The following KLF9 variants were observed in gnomAD, a reference collection of about 807,000 sequenced individuals.
KLF9 encodes the protein Krueppel-like factor 9.
KLF9 carries 2 observed loss-of-function variants against 17.3 expected under a neutral mutation model. That is an observed-to-expected ratio of 0.12 (90% CI 0.05 to 0.36). KLF9 has a LOEUF of 0.36. Among genes scored for constraint, KLF9 ranks in the 10% least tolerant of loss-of-function variants. KLF9 has a pLI of 1.00. For missense variants in KLF9, 226 were observed against 333.2 expected, an observed-to-expected ratio of 0.68 and a Z score of 2.51; for synonymous variants, 138 against 139.2, an observed-to-expected ratio of 0.99 and a Z score of 0.06.
intron 1 of KLF9, 58 bp downstream of exon 1, chr9:70,412,801 T>C: frequency 1.3e-6 from 2 of 1,507,004 alleles, no homozygotes; most frequent in Non-Finnish European, 1.8e-6. Flanking sequence ...CCAGGAACGC[T>C]GCCTGGCCAA....
intron 1 of KLF9, among the ~76,000 whole-genome samples, chr9:70,405,942 C>T (rs1440076708): frequency 6.6e-6 from 1 of 152,052 alleles, no homozygotes; most frequent in Non-Finnish European, 1.5e-5. Flanking sequence ...TGGTAGGAAA[C>T]CTCTCAGCAG....
chr9:70,396,985 C>A (rs563706568), intron 1 of KLF9, among the ~76,000 whole-genome samples: 2 of 152,130 alleles, frequency 1.3e-5, no homozygotes, highest in South Asian at 4.2e-4. Flanking sequence ...TCAAGACCAG[C>A]ATGGGCAACA....
intron 1 of KLF9, among the ~76,000 whole-genome samples, chr9:70,406,578 A>AG (rs1491420894): frequency 6.6e-6 from 1 of 152,164 alleles, no homozygotes; most frequent in Non-Finnish European, 1.5e-5. Context: ...TGGGGCGGAG[A>AG]AAGAGAGCCA....
chr9:70,402,352 T>G (rs942195676), intron 1 of KLF9, among the ~76,000 whole-genome samples: 2 of 152,244 alleles, frequency 1.3e-5, no homozygotes, highest in Non-Finnish European at 2.9e-5. Context: ...TATGATTTAT[T>G]ACAGTGTTTT....
chr9:70,408,067 T>C (rs1239917559), intron 1 of KLF9, among the ~76,000 whole-genome samples: 2 of 152,134 alleles, frequency 1.3e-5, no homozygotes, highest in Admixed American at 1.3e-4. Context: ...CAAGTGTATC[T>C]GTGGAATTAA....
chr9:70,389,742 G>A (rs975947735), intron 1 of KLF9, among the ~76,000 whole-genome samples: 2 of 152,212 alleles, frequency 1.3e-5, no homozygotes, highest in Non-Finnish European at 2.9e-5. Context: ...TGTTGAAGAT[G>A]AGAACCACAC....
intron 1 of KLF9, among the ~76,000 whole-genome samples, chr9:70,394,526 T>C (rs1298558895): frequency 6.6e-6 from 1 of 152,114 alleles, no homozygotes; most frequent in African/African-American, 2.4e-5. Context: ...AAAGCATAAA[T>C]GGACACCCGC....
chr9:70,389,412 C>T (rs1370208892), intron 1 of KLF9, among the ~76,000 whole-genome samples: 1 of 152,166 alleles, frequency 6.6e-6, no homozygotes, highest in Non-Finnish European at 1.5e-5. Flanking sequence ...AAACTCTGTA[C>T]TCAGGGTCAC....
chr9:70,398,173 A>C (rs1202911138), intron 1 of KLF9, among the ~76,000 whole-genome samples: 3 of 152,168 alleles, frequency 2.0e-5, no homozygotes, highest in African/African-American at 7.2e-5. Flanking sequence ...CTCTCACTGA[A>C]TCCTGCTTGT....
intron 1 of KLF9, among the ~76,000 whole-genome samples, chr9:70,396,092 C>T (rs953176193): frequency 8.6e-5 from 13 of 152,046 alleles, no homozygotes; most frequent in African/African-American, 2.4e-4. Flanking sequence ...CTAGTGAAAA[C>T]GTTAAAAAAT....
intron 1 of KLF9, among the ~76,000 whole-genome samples, chr9:70,404,486 G>A (rs1339288526): frequency 6.6e-6 from 1 of 152,128 alleles, no homozygotes; most frequent in East Asian, 1.9e-4. Flanking sequence ...GCTGAGGTGG[G>A]AGGATTGCTT....
Position 70,414,506 on chromosome 9 carries a change from A to C in KLF9, c.-1143T>G, listed in dbSNP as rs1424216754. The C allele has an allele frequency of 1.3e-5, 2 of 152,234 alleles. No individual in the cohort carries two copies. Among genetic ancestry groups the C allele is most frequent in the African/African-American group, 4.8e-5 (2 of 41,452 alleles). The allele number at this position is 152,234 out of a possible 1,614,324, so 9.4% of individuals were successfully genotyped here. A position where few individuals can be genotyped will look rare whatever the true frequency, so the allele number is the denominator to read the frequency against. On this transcript the variant is annotated 5_prime_UTR_variant, in exon 1 of 2. Coordinates refer to ENST00000377126, the MANE Select transcript of KLF9 (RefSeq NM_001206.4). ...CTTGTAAACGCGAAGAGCTGTAGTGAAACTGGACACATCTTTGTATTTTGT... is the reference window on the plus strand; with the variant it reads ...CTTGTAAACGCGAAGAGCTGTAGTGCAACTGGACACATCTTTGTATTTTGT...
intron 1 of KLF9, among the ~76,000 whole-genome samples, chr9:70,401,947 G>A (rs371788214): frequency 2.0e-5 from 3 of 151,900 alleles, no homozygotes; most frequent in African/African-American, 2.4e-5. Context: ...TCTAGGAGGC[G>A]GAGGTTGCAG....
chr9:70,411,280 T>TG (rs2037310686), intron 1 of KLF9, among the ~76,000 whole-genome samples: 1 of 152,158 alleles, frequency 6.6e-6, no homozygotes, highest in African/African-American at 2.4e-5. Flanking sequence ...AAGGTGGCAG[T>TG]GGGTGTCGAT....
intron 1 of KLF9, among the ~76,000 whole-genome samples, chr9:70,390,680 C>G (rs1243502604): frequency 6.6e-6 from 1 of 152,032 alleles, no homozygotes; most frequent in East Asian, 1.9e-4. Flanking sequence ...CTCTCTCGTC[C>G]TCCTCCTGGT....
At chr9:70,393,543 C>T (rs1247844249) in intron 1 of KLF9, among the ~76,000 whole-genome samples, 1 of 152,182 alleles carries the variant, frequency 6.6e-6, no homozygotes, top group African/African-American at 2.4e-5. Context: ...TGGTTCTTCT[C>T]ATCTTCCCTG....
intron 1 of KLF9, among the ~76,000 whole-genome samples, chr9:70,391,002 G>A (rs2037150136): frequency 6.6e-6 from 1 of 152,156 alleles, no homozygotes; most frequent in Non-Finnish European, 1.5e-5. Context: ...CTCAATGCTT[G>A]TTAAGACAAA....
intron 1 of KLF9, among the ~76,000 whole-genome samples, chr9:70,405,315 C>T (rs2037248891): frequency 6.6e-6 from 1 of 152,212 alleles, no homozygotes; most frequent in South Asian, 2.1e-4. Flanking sequence ...GAATACATAA[C>T]ACCACTGACT....
At chr9:70,390,322 T>C (rs1273805236) in intron 1 of KLF9, among the ~76,000 whole-genome samples, 2 of 151,996 alleles carry the variant, frequency 1.3e-5, no homozygotes, top group Non-Finnish European at 2.9e-5. Flanking sequence ...CAATGAATGC[T>C]GGGCCCTACT....
Sources: allele counts gnomAD v4.1 joint callset (sites outside exome capture counted in the v4.1 genomes callset), GRCh38; gene constraint gnomAD v4.1.1; transcripts MANE v1.5; gene names NCBI Gene and HGNC (gene_info 2026-07-23, HGNC 2026-07-21).